Variants in TMEM177 observed in about 807,000 individuals in gnomAD.
The protein encoded by TMEM177 is transmembrane protein 177.
Under a neutral mutation model 14.2 loss-of-function variants are expected in TMEM177, and 4 were observed. The ratio of observed to expected loss-of-function variants is 0.28; its 90% CI spans 0.14 to 0.64. The LOEUF is 0.64. Ranked by LOEUF, TMEM177 falls within the 30% of genes least tolerant of loss-of-function variation. The probability of loss-of-function intolerance (pLI) is 0.82; values close to 1 mark genes in which losing one functional copy is unlikely to be tolerated. For synonymous variants in TMEM177, 179 were observed against 174.5 expected (o/e 1.03, Z -0.20); for missense variants, 344 against 405.2 (o/e 0.85, Z 1.30).
the TMEM177 span, among the ~76,000 whole-genome samples, chr2:119,698,253 C>T: frequency 3.3e-5 from 5 of 152,230 alleles, no homozygotes; most frequent in South Asian, 8.3e-4. Flanking sequence ...TGATGAGATT[C>T]CTAGGAAGGG....
chr2:119,704,831 A>G, the TMEM177 span, among the ~76,000 whole-genome samples: 2 of 152,242 alleles, frequency 1.3e-5, no homozygotes, highest in Admixed American at 1.3e-4. Context: ...TAAAATGGTT[A>G]TATTAATCCA....
At chr2:119,699,840 A>G in the TMEM177 span, 2 of 399,514 alleles carry the variant, frequency 5.0e-6, no homozygotes, top group Non-Finnish European at 1.0e-5. Context: ...GAGGCTGGAC[A>G]CAAGGTCAGT....
At chr2:119,710,971 C>T in the TMEM177 span, among the ~76,000 whole-genome samples, 21 of 152,230 alleles carry the variant, frequency 1.4e-4, no homozygotes, top group Admixed American at 4.6e-4. Context: ...GAAGAGGCTA[C>T]GATCAAATGC....
the TMEM177 span, among the ~76,000 whole-genome samples, chr2:119,698,468 T>G: frequency 6.6e-6 from 1 of 152,156 alleles, no homozygotes; most frequent in African/African-American, 2.4e-5. Flanking sequence ...TGCACACAGG[T>G]GCCAAGACAT....
At chr2:119,701,894 G>A in the TMEM177 span, among the ~76,000 whole-genome samples, 1 of 152,226 alleles carries the variant, frequency 6.6e-6, no homozygotes, top group Non-Finnish European at 1.5e-5. Context: ...CTGTTCCTGG[G>A]TGGGACAGCA....
chr2:119,696,384 G>C, the TMEM177 span, among the ~76,000 whole-genome samples: 8 of 152,278 alleles, frequency 5.3e-5, no homozygotes, highest in Non-Finnish European at 1.0e-4. Context: ...TGGTGACCAC[G>C]GTGTGGGGGC....
chr2:119,698,513 AT>A, the TMEM177 span: 1 of 152,334 alleles, frequency 6.6e-6, no homozygotes, highest in Admixed American at 6.5e-5. Flanking sequence ...GAAGCAAGTT[AT>A]TGGCTCACTG....
chr2:119,715,854 C>G, the TMEM177 span, among the ~76,000 whole-genome samples: 20 of 152,176 alleles, frequency 1.3e-4, no homozygotes, highest in Admixed American at 1.3e-3. Context: ...AAGTCGGATT[C>G]CCCAGAGGGA....
chr2:119,720,522 G>T, the TMEM177 span, among the ~76,000 whole-genome samples: 2 of 151,374 alleles, frequency 1.3e-5, no homozygotes, highest in Non-Finnish European at 3.0e-5. Flanking sequence ...CGCCCACCTC[G>T]GCCTCCCAAA....
At chr2:119,698,926 G>A in the TMEM177 span, 1 of 153,336 alleles carries the variant, frequency 6.5e-6, no homozygotes, top group African/African-American at 2.4e-5. Context: ...GAACCCAGGA[G>A]ACGGAGGTTG....
the TMEM177 span, among the ~76,000 whole-genome samples, chr2:119,706,325 C>T: frequency 1.3e-5 from 2 of 152,078 alleles, no homozygotes; most frequent in South Asian, 4.1e-4. Flanking sequence ...AGCGCCTGGC[C>T]GAATTCTGGC....
rs1688872294 is a variant in TMEM177, at chr2:119,680,733, GTGT to G, written c.-22-97_-22-95del. ...AGCCCACACTCTTCACCACTATGCT[GTGT>G]TACTTTGGTTTAAAAAGGTGGTGTG... On this transcript the variant is annotated intron_variant, in intron 1 of 1. Transcript: ENST00000272521. 32 of 881,844 alleles carry G rather than the reference GTGT, an allele frequency of 3.6e-5. No individual in the cohort carries two copies. In the South Asian group the frequency reaches 4.7e-4, roughly 13 times the overall value. The allele number at this position is 881,844 out of a possible 1,614,324, so 54.6% of individuals were successfully genotyped here.
chr2:119,713,131 G>T, the TMEM177 span, among the ~76,000 whole-genome samples: 81 of 151,642 alleles, frequency 5.3e-4, 1 homozygote, highest in African/African-American at 1.9e-3. Context: ...GTGCAATGGC[G>T]CAATCTTGGC....
the TMEM177 span, among the ~76,000 whole-genome samples, chr2:119,718,921 C>T: frequency 2.0e-5 from 3 of 152,270 alleles, no homozygotes; most frequent in Non-Finnish European, 4.4e-5. Flanking sequence ...TTGTGTTTCT[C>T]GAACTTTAAC....
chr2:119,684,138 G>C (rs532354374), downstream of TMEM177, among the ~76,000 whole-genome samples: 52 of 152,280 alleles, frequency 3.4e-4, no homozygotes, highest in African/African-American at 1.2e-3. Flanking sequence ...GCCCATCCGT[G>C]TCCCACTTTC....
chr2:119,705,990 A>ATTATATATTATATAT, the TMEM177 span, among the ~76,000 whole-genome samples: 2 of 14,606 alleles, frequency 1.4e-4, no homozygotes, highest in Non-Finnish European at 2.5e-4. Context: ...CTCTCTATAT[A>ATTATATATTATATAT]TATATATTAT....
At chr2:119,692,193 G>A in the TMEM177 span, among the ~76,000 whole-genome samples, 1 of 152,360 alleles carries the variant, frequency 6.6e-6, no homozygotes, top group African/African-American at 2.4e-5. Context: ...GAAGCCATCT[G>A]TGCCTGAGCT....
At chr2:119,700,702 G>A in the TMEM177 span, among the ~76,000 whole-genome samples, 2 of 152,122 alleles carry the variant, frequency 1.3e-5, no homozygotes, top group Non-Finnish European at 2.9e-5. Context: ...ACAAGACCTG[G>A]CCTATGGTAA....
chr2:119,701,774 G>A, the TMEM177 span, among the ~76,000 whole-genome samples: 1 of 152,234 alleles, frequency 6.6e-6, no homozygotes, highest in African/African-American at 2.4e-5. Context: ...TAAAATCAGA[G>A]TTTTTAAAGA....
Sources: gnomAD v4.1 joint callset for allele counts (sites outside exome capture counted in the v4.1 genomes callset) on GRCh38, gnomAD v4.1.1 for gene constraint, MANE v1.5 for transcripts, NCBI Gene and HGNC (gene_info 2026-07-23, HGNC 2026-07-21) for gene names.